MARK2: variants seen among roughly 807,000 people sequenced by gnomAD.
MARK2 encodes the protein microtubule affinity regulating kinase 2, also known as serine/threonine-protein kinase MARK2.
MARK2 carries 16 observed loss-of-function variants against 89.8 expected under a neutral mutation model. The ratio of observed to expected loss-of-function variants is 0.18; its 90% confidence interval spans 0.12 to 0.27. The LOEUF is 0.27. MARK2 is among the 10% of genes least tolerant of loss of function. The pLI, the probability that MARK2 is intolerant of heterozygous loss-of-function variation, is 1.00. For synonymous variants in MARK2, 382 were observed against 399.5 expected (o/e 0.96, Z 0.52); for missense variants, 621 against 1,049.9 (o/e 0.59, Z 5.65).
At position 63,909,307 on chromosome 11, in the gene MARK2, C is replaced by T. The variant is rs1217943269; in HGVS notation, c.*70C>T. On this transcript the variant is annotated 3_prime_UTR_variant, in exon 19 of 19. Transcript: ENST00000402010. The stretch of plus-strand genomic sequence containing the variant: ...GGCTGCCGGCCGCTGCGCCGCCCCA[C>T]CTGGGCGAGACTGCAGCGATGGATT... 65 of 1,449,466 alleles carry T rather than the reference C, an allele frequency of 4.5e-5. No homozygotes were observed. Among genetic ancestry groups the T allele is most frequent in the Non-Finnish European group, 5.2e-5 (57 of 1,092,168 alleles). 89.8% of individuals were successfully genotyped at this position (1,449,466 alleles called of 1,614,324 possible). A position where few individuals can be genotyped will look rare whatever the true frequency, so the allele number is the denominator to read the frequency against.
At chr11:63,886,569 G>A (rs1409674109) in intron 1 of MARK2, among the ~76,000 whole-genome samples, 5 of 152,106 alleles carry the variant, frequency 3.3e-5, no homozygotes, top group African/African-American at 2.4e-5. Context: ...GATTACAGGT[G>A]TACGCCACCA....
chr11:63,852,866 G>C (rs531180157), intron 1 of MARK2, among the ~76,000 whole-genome samples: 1 of 152,118 alleles, frequency 6.6e-6, no homozygotes, highest in African/African-American at 2.4e-5. Context: ...TATTTTATGC[G>C]TACGTACTAT....
chr11:63,857,325 T>A (rs2016916302), intron 1 of MARK2, among the ~76,000 whole-genome samples: 1 of 152,008 alleles, frequency 6.6e-6, no homozygotes, highest in Admixed American at 6.5e-5. Flanking sequence ...TGCCACCAAG[T>A]GATTTTTGCA....
At chr11:63,849,983 C>T (rs912791287) in intron 1 of MARK2, 2 of 152,080 alleles carry the variant, frequency 1.3e-5, no homozygotes, top group Non-Finnish European at 2.9e-5. Context: ...ATTATTGTTC[C>T]AGTTGAACAA....
At chr11:63,840,615 C>T (rs1393243271) in intron 1 of MARK2, among the ~76,000 whole-genome samples, 1 of 152,164 alleles carries the variant, frequency 6.6e-6, no homozygotes, top group Non-Finnish European at 1.5e-5. Context: ...TTCTTTCTTG[C>T]TTGTTGCCTT....
intron 1 of MARK2, among the ~76,000 whole-genome samples, chr11:63,842,051 A>G (rs1049877427): frequency 6.6e-6 from 1 of 152,038 alleles, no homozygotes; most frequent in African/African-American, 2.4e-5. Flanking sequence ...TACCCATCCT[A>G]TTTCTACTCT....
At chr11:63,887,777 C>T (rs1360609042) in intron 1 of MARK2, among the ~76,000 whole-genome samples, 1 of 152,172 alleles carries the variant, frequency 6.6e-6, no homozygotes, top group African/African-American at 2.4e-5. Flanking sequence ...CTGTGCTCAC[C>T]ATGTGCCCAG....
chr11:63,905,959 C>A, intron 16 of MARK2, 129 bp from the exon 17 acceptor site: 1 of 655,990 alleles, frequency 1.5e-6, no homozygotes, highest in Non-Finnish European at 2.2e-6. Flanking sequence ...CGCTGAGCGG[C>A]TCTTCCGAAA....
At chr11:63,881,038 T>A (rs980061690) in intron 1 of MARK2, among the ~76,000 whole-genome samples, 2 of 152,182 alleles carry the variant, frequency 1.3e-5, no homozygotes, top group African/African-American at 4.8e-5. Context: ...GTGCAGTGGC[T>A]CACGCCTGTA....
chr11:63,884,996 A>T (rs939225887), intron 1 of MARK2, among the ~76,000 whole-genome samples: 7 of 151,980 alleles, frequency 4.6e-5, no homozygotes, highest in African/African-American at 1.5e-4. Context: ...GAGCCCAGGG[A>T]GTTCGAGACC....
At chr11:63,851,797 C>T (rs537929686) in intron 1 of MARK2, among the ~76,000 whole-genome samples, 38 of 152,136 alleles carry the variant, frequency 2.5e-4, no homozygotes, top group African/African-American at 9.2e-4. Context: ...TCTGGAGCCA[C>T]CTCTCTCAGT....
chr11:63,840,816 GAGCTACACCTCAGCCTCACGACTCTACAC>G (rs1160746999), intron 1 of MARK2, among the ~76,000 whole-genome samples: 6 of 151,962 alleles, frequency 3.9e-5, no homozygotes, highest in Non-Finnish European at 7.4e-5. Flanking sequence ...CTAGTTTCTT[GAGCTACACCTCAGCCTCACGACTCTACAC>G]GGTCCCCCTC....
chr11:63,880,557 A>T (rs899311664), intron 1 of MARK2, among the ~76,000 whole-genome samples: 1 of 152,242 alleles, frequency 6.6e-6, no homozygotes, highest in Non-Finnish European at 1.5e-5. Flanking sequence ...TCACAGCAAG[A>T]CACAATGGTT....
At chr11:63,908,678 C>G (rs571437615) in intron 18 of MARK2, among the ~76,000 whole-genome samples, 199 bp from the exon 19 acceptor site, 6 of 152,304 alleles carry the variant, frequency 3.9e-5, no homozygotes, top group Non-Finnish European at 8.8e-5. Flanking sequence ...CCAAGGCTGG[C>G]TTCTCCTCCC....
At chr11:63,898,481 GTTCT>G (rs1940600242) in intron 4 of MARK2, 123 bp from the exon 5 acceptor site, 3 of 905,006 alleles carry the variant, frequency 3.3e-6, no homozygotes, top group Non-Finnish European at 5.4e-6. Flanking sequence ...AGAGGAACTT[GTTCT>G]TGGGAGTGGG....
At chr11:63,905,634 G>T (rs1222125369) in intron 16 of MARK2, among the ~76,000 whole-genome samples, 3 of 152,260 alleles carry the variant, frequency 2.0e-5, no homozygotes, top group Non-Finnish European at 2.9e-5. Flanking sequence ...GTTGGACCCA[G>T]GGTGGGGATC....
At chr11:63,892,904 A>ATTTT (rs896527484) in intron 1 of MARK2, among the ~76,000 whole-genome samples, 4 of 114,696 alleles carry the variant, frequency 3.5e-5, no homozygotes, top group African/African-American at 1.4e-4. Flanking sequence ...TGATTTCTTA[A>ATTTT]TTTTTTTTTT....
chr11:63,864,142 G>C (rs1029655733), intron 1 of MARK2, among the ~76,000 whole-genome samples: 8 of 151,292 alleles, frequency 5.3e-5, no homozygotes, highest in African/African-American at 1.9e-4. Flanking sequence ...TTTTAGTAGA[G>C]ACAGGGTTTC....
chr11:63,903,454 A>C lies in MARK2; in HGVS notation c.1514+296A>C. 2.3e-6 allele frequency: 1 copy of C among 434,562 alleles called. No individual in the cohort carries two copies. The highest frequency in any genetic ancestry group is 4.3e-6 in the Non-Finnish European group (1 of 233,046). The allele number at this position is 434,562 out of a possible 1,614,324, so 26.9% of individuals were successfully genotyped here. ...GCATGGCAGCTGCCCTCCTCTAGAC[A>C]TGAGCAGCTAAGGCCTTGTGTTGGG... On this transcript the variant is annotated intron_variant, in intron 14 of 18. Transcript: ENST00000402010. The surrounding 1 kb of genome is among the most constrained non-coding windows in gnomAD (Gnocchi z 5.1).
Sources: allele counts gnomAD v4.1 joint callset (sites outside exome capture counted in the v4.1 genomes callset), GRCh38; gene constraint gnomAD v4.1.1; non-coding constraint Gnocchi (gnomAD v3.1); transcripts MANE v1.5; gene names NCBI Gene and HGNC (gene_info 2026-07-23, HGNC 2026-07-21).